The following HERC1 variants were observed in gnomAD, a reference collection of about 807,000 sequenced individuals.
HERC1 encodes the protein HECT and RLD domain containing E3 ubiquitin protein ligase family member 1.
Under a neutral mutation model 554.3 loss-of-function variants are expected in HERC1, and 160 were observed. That is an observed-to-expected ratio of 0.29 (90% CI 0.25 to 0.33). The LOEUF (loss-of-function observed/expected upper bound fraction) is 0.33, where lower values mean the gene tolerates loss of function less well. Among genes scored for constraint, HERC1 ranks in the 10% least tolerant of loss-of-function variants. The pLI is 1.00. For synonymous variants in HERC1, 2,175 were observed against 2,131.7 expected (o/e 1.02, Z -0.56); for missense variants, 4,919 against 5,918.5 (o/e 0.83, Z 5.54).
intron 63 of HERC1, among the ~76,000 whole-genome samples, chr15:63,637,940 C>T (rs141384472): frequency 6.6e-6 from 1 of 152,208 alleles, no homozygotes; most frequent in East Asian, 1.9e-4. Flanking sequence ...TAGAAAGAAG[C>T]AGAAACTCGT....
chr15:63,643,632 T>C, intron 57 of HERC1, 82 bp from the exon 58 acceptor site: 5 of 1,097,972 alleles, frequency 4.6e-6, no homozygotes, highest in Non-Finnish European at 6.3e-6. Flanking sequence ...CTTGGAAATT[T>C]TATATTTCAG....
intron 12 of HERC1, among the ~76,000 whole-genome samples, chr15:63,736,154 T>C (rs1596105772): frequency 6.6e-6 from 1 of 152,266 alleles, no homozygotes; most frequent in East Asian, 1.9e-4. Context: ...GGCTACACCC[T>C]AAGTCAAAAA....
intron 14 of HERC1, among the ~76,000 whole-genome samples, chr15:63,730,771 A>G (rs147083982): frequency 1.4e-3 from 214 of 152,346 alleles, no homozygotes; most frequent in African/African-American, 4.8e-3. Flanking sequence ...ATTTAGAGAG[A>G]GAGAACAAAT....
chr15:63,679,169 C>T (rs1159339886), intron 36 of HERC1, among the ~76,000 whole-genome samples: 2 of 152,144 alleles, frequency 1.3e-5, no homozygotes, highest in African/African-American at 2.4e-5. Context: ...GGCCATCATT[C>T]GAACCAGAAC....
At chr15:63,823,633 G>T (rs1230924765) in intron 1 of HERC1, among the ~76,000 whole-genome samples, 1 of 152,110 alleles carries the variant, frequency 6.6e-6, no homozygotes, top group Non-Finnish European at 1.5e-5. Context: ...CACAAGGATG[G>T]TACATAACTA....
At chr15:63,794,179 C>T (rs577964108) in intron 1 of HERC1, among the ~76,000 whole-genome samples, 2 of 152,260 alleles carry the variant, frequency 1.3e-5, no homozygotes, top group South Asian at 4.1e-4. Context: ...AAATGAGCAA[C>T]CAGCAGCCCT....
intron 1 of HERC1, among the ~76,000 whole-genome samples, chr15:63,801,967 A>ATGTT (rs2077003111): frequency 2.6e-5 from 4 of 152,218 alleles, no homozygotes; most frequent in African/African-American, 4.8e-5. Flanking sequence ...AATCTCTAAC[A>ATGTT]CATCATGTTT....
rs2073030063 is a variant in HERC1, at chr15:63,706,799, T to C, written c.4617A>G (p.Ala1539=). The change falls in exon 25 of 78, where the codon GCA becomes GCG. Residue 1539 remains alanine, a synonymous_variant. Coordinates refer to ENST00000443617, the MANE Select transcript of HERC1 (RefSeq NM_003922.4). The part of the protein sequence containing the change: ...SGRRNVDLDL[A]ASHRKRGPMH... ...ACTTACCTCTCTTTCTGTGAGATGC[T>C]GCCAAATCCAAATCAACATTTCGTC... is the stretch of plus-strand genomic sequence containing the variant. 6.5e-7 allele frequency: 1 copy of C among 1,544,658 alleles called. No homozygotes were observed. Among genetic ancestry groups the C allele is most frequent in the Non-Finnish European group, 8.8e-7 (1 of 1,141,170 alleles).
In HERC1 at chr15:63,666,010, C is replaced by T. The variant is rs753681582; in HGVS notation, c.8464G>A (p.Gly2822Ser). Residue 2822 changes from glycine (G) to serine (S), a missense_variant, in exon 42 of 78, where the codon GGC becomes AGC. Physicochemically the swap from Gly to Ser is moderately conservative, Grantham distance 56 (BLOSUM62 0). Coordinates refer to ENST00000443617, the MANE Select transcript of HERC1 (RefSeq NM_003922.4). ...SRPGAAVLGS[G>S]GKSNDPCYLQ... ...TAACAGGGATCATTTGACTTCCCGC[C>T]ACTGCCTAGAACGGCTGCTCCAGGC... is the stretch of plus-strand genomic sequence containing the variant. 2 of 1,614,026 alleles carry T rather than the reference C, an allele frequency of 1.2e-6. No individual in the cohort carries two copies. Among genetic ancestry groups the T allele is most frequent in the Non-Finnish European group, 1.7e-6 (2 of 1,179,888 alleles).
intron 18 of HERC1, among the ~76,000 whole-genome samples, chr15:63,724,664 G>C (rs2073966451): frequency 6.6e-6 from 1 of 151,948 alleles, no homozygotes; most frequent in African/African-American, 2.4e-5. Context: ...TTATTTTATA[G>C]AATCAAAATT....
Position 63,718,888 on chromosome 15 carries a change from C to G in HERC1, c.3752G>C (p.Ser1251Thr), listed in dbSNP as rs1001193948. Residue 1251 changes from serine to threonine, a missense_variant, in exon 20 of 78, where the codon AGT (serine) becomes ACT (threonine). Coordinates refer to ENST00000443617, the MANE Select transcript of HERC1 (RefSeq NM_003922.4). This position sits in a 1 kb window ranked among gnomAD's most constrained non-coding sequence, Gnocchi z 4.2. ...GAGTGACTCATTACTTAAAGTTGCA[C>G]TGTCCCAATCTGAAAATAAAAATGA... The part of the protein sequence containing the change: ...QDYAVSKDWD[S>T]ATLSNESLLD... 6.3e-7 allele frequency: 1 copy of G among 1,590,868 alleles called. No homozygotes were observed. The highest frequency in any genetic ancestry group is 1.3e-5 in the African/African-American group (1 of 74,114).
At chr15:63,739,697 G>A (rs2074710281) in intron 12 of HERC1, among the ~76,000 whole-genome samples, 1 of 151,944 alleles carries the variant, frequency 6.6e-6, no homozygotes, top group African/African-American at 2.4e-5. Flanking sequence ...ACACTAGCTG[G>A]GCATGGTGGT....
rs536068959 is a variant in HERC1, at chr15:63,624,310, A to G, written c.13293T>C (p.Tyr4431=). The change falls in exon 72 of 78, where the codon TAT becomes TAC. Residue 4431 remains tyrosine, a synonymous_variant. Coordinates refer to ENST00000443617, the MANE Select transcript of HERC1 (RefSeq NM_003922.4). ...SPNNQNSTSH[Y]NAGTWGIVQG... ...GTACAATGCCCCAAGTTCCAGCATT[A>G]TAATGGGATGTGCTGTTCTGTAACA... is the stretch of plus-strand genomic sequence containing the variant. The G allele has an allele frequency of 1.4e-5, 22 of 1,610,470 alleles. No individual in the cohort carries two copies. In the African/African-American group the frequency reaches 2.0e-4, roughly 15 times the overall value.
chr15:63,662,108 T>A (rs1161698667), intron 44 of HERC1, 87 bp from the exon 45 acceptor site: 2 of 1,274,934 alleles, frequency 1.6e-6, no homozygotes, highest in Non-Finnish European at 2.1e-6. Flanking sequence ...TTAAATTACT[T>A]TATTACATAT....
At chr15:63,764,237 A>G (rs1488121141) in intron 2 of HERC1, 46 bp from the exon 3 acceptor site, 2 of 1,312,620 alleles carry the variant, frequency 1.5e-6, no homozygotes, top group African/African-American at 2.9e-5. Context: ...GGGGAGAGAC[A>G]TATGCATTAA....
intron 25 of HERC1, 60 bp from the exon 26 acceptor site, chr15:63,699,056 A>G: frequency 1.4e-6 from 2 of 1,452,816 alleles, no homozygotes; most frequent in Non-Finnish European, 1.9e-6. Context: ...ACATTCTGAA[A>G]CTAGATAAGG....
At chr15:63,748,085 G>A (rs1014374525) in intron 10 of HERC1, among the ~76,000 whole-genome samples, 23 of 152,098 alleles carry the variant, frequency 1.5e-4, no homozygotes, top group Non-Finnish European at 3.4e-4. Context: ...AATTAGTCGG[G>A]CATGGTGGTA....
rs759638200 is a variant in HERC1, at chr15:63,656,290, C to T, written c.9668G>A (p.Arg3223Gln). The change falls in exon 49 of 78, where the codon CGA (arginine) becomes CAA (glutamine). Residue 3223 changes from arginine (R) to glutamine (Q), a missense_variant. Transcript: ENST00000443617. ...CCCTGCTGCTGCCAAGCACATTAAT[C>T]GAACTAGCGTTCGGATATCTGTTAG... ...LGLTDIRTLV[R>Q]LMCLAAAGRA... 16 of 1,613,810 alleles carry T rather than the reference C, an allele frequency of 9.9e-6. No individual in the cohort carries two copies. The highest frequency in any genetic ancestry group is 1.3e-5 in the African/African-American group (1 of 74,938).
intron 1 of HERC1, among the ~76,000 whole-genome samples, chr15:63,813,710 G>A (rs571680705): frequency 6.6e-6 from 1 of 152,264 alleles, no homozygotes; most frequent in East Asian, 1.9e-4. Context: ...CTGTGTTTCT[G>A]TATGTACCAT....
Sources: gnomAD v4.1 joint callset for allele counts (sites outside exome capture counted in the v4.1 genomes callset) on GRCh38, gnomAD v4.1.1 for gene constraint, Gnocchi (gnomAD v3.1) non-coding constraint, MANE v1.5 for transcripts, NCBI Gene and HGNC (gene_info 2026-07-23, HGNC 2026-07-21) for gene names.